The following STX11 variants were observed in gnomAD, a reference collection of about 807,000 sequenced individuals.
STX11 encodes the protein syntaxin-11.
In STX11, 21 loss-of-function variants were observed where a neutral mutation model predicts 19.9. The observed-to-expected ratio is 1.06, with a 90% CI of 0.75 to 1.52. The LOEUF (loss-of-function observed/expected upper bound fraction) is 1.52. Ranked by LOEUF, STX11 falls within the 40% of genes most tolerant of loss-of-function variation. The pLI, the probability that STX11 is intolerant of heterozygous loss-of-function variation, is 0.00. For synonymous variants in STX11, 193 were observed against 174.4 expected (o/e 1.11, Z -0.84); for missense variants, 438 against 405.9 (o/e 1.08, Z -0.68).
In STX11 at chr6:144,184,569, C is replaced by G. The variant is rs936362982; in HGVS notation, c.-5-2054C>G. 2.6e-5 allele frequency among the ~76,000 whole-genome samples: 4 copies of G among 152,136 alleles called. No individual in the cohort carries two copies. The highest frequency in any genetic ancestry group is 2.6e-4 in the Admixed American group (4 of 15,268). On this transcript the variant is annotated intron_variant, in intron 1 of 1. Coordinates refer to ENST00000367568, the MANE Select transcript of STX11 (RefSeq NM_003764.4). This position sits in a 1 kb window ranked among gnomAD's most constrained non-coding sequence, Gnocchi z 6.5. ...AGTCTTTTGTGACTATATTTTTATA[C>G]TTTTGCTAAAGATTATTTAGTGCAT...
Position 144,150,694 on chromosome 6 carries a change from C to A in STX11, c.-15C>A. ...GGGCTTCTCGGTTCGCACTCTCGCT[C>A]CCAGTCCAGGTTTGTTTTTCTCTTC... On this transcript the variant is annotated 5_prime_UTR_variant, in exon 1 of 2. Coordinates refer to ENST00000367568, the MANE Select transcript of STX11 (RefSeq NM_003764.4). 4 of 985,378 alleles carry A rather than the reference C, an allele frequency of 4.1e-6. No homozygotes were observed. The highest frequency in any genetic ancestry group is 4.8e-6 in the Non-Finnish European group (4 of 829,970). The allele number at this position is 985,378 out of a possible 1,614,324, so 61.0% of individuals were successfully genotyped here.
rs1802144480 is a variant in STX11, at chr6:144,188,985, C to T, written c.*1494C>T. 6.6e-6 allele frequency among the ~76,000 whole-genome samples: 1 copy of T among 151,984 alleles called. No homozygotes were observed. The highest frequency in any genetic ancestry group is 6.6e-5 in the Admixed American group (1 of 15,262). ...TCGTGATCCGCCCGCCTCAGCCTCC[C>T]ATAGTGCTGGGATTACAGGTGTGAG... is the stretch of plus-strand genomic sequence containing the variant. On this transcript the variant is annotated 3_prime_UTR_variant, in exon 2 of 2. Transcript: ENST00000367568.
At position 144,186,793 on chromosome 6, in the gene STX11, C is replaced by A; in HGVS notation, c.166C>A (p.Gln56Lys). 1.2e-6 allele frequency: 2 copies of A among 1,613,932 alleles called. No homozygotes were observed. The highest frequency in any genetic ancestry group is 1.7e-6 in the Non-Finnish European group (2 of 1,180,010). Residue 56 changes from glutamine to lysine, a missense_variant, in exon 2 of 2, where the codon CAG becomes AAG. Transcript: ENST00000367568. ...CATCCGGGACATTCAGGATGAAAAC[C>A]AGCTGCTGGTGGCCGACGTGAAGCG... The part of the protein sequence containing the change: ...RDIRDIQDEN[Q>K]LLVADVKRLG...
rs907074946 is a variant in STX11, at chr6:144,151,575, G to A, written c.-6+872G>A. Among the ~76,000 whole-genome samples, 12 of 152,224 alleles carry A rather than the reference G, an allele frequency of 7.9e-5. No homozygotes were observed. Among genetic ancestry groups the A allele is most frequent in the African/African-American group, 2.4e-4 (10 of 41,456 alleles). ...GATTGAGTTTTCAGTTTCCTAAGGC[G>A]CCTGATGTTACAACATGCCAGTAAA... On this transcript the variant is annotated intron_variant, in intron 1 of 1. Transcript: ENST00000367568. This position sits in a 1 kb window ranked among gnomAD's most constrained non-coding sequence, Gnocchi z 4.6.
Position 144,150,556 on chromosome 6 carries a change from A to G in STX11, c.-153A>G. On this transcript the variant is annotated 5_prime_UTR_variant, in exon 1 of 2. Transcript: ENST00000367568. Reference sequence around the variant, plus strand: ...CGGCGCGGAGCTCGGGCGGCCGTGGAGGAACTCAGCCTCGGCCGCAGGAGG... The same window carrying G: ...CGGCGCGGAGCTCGGGCGGCCGTGGGGGAACTCAGCCTCGGCCGCAGGAGG... The G allele has an allele frequency of 1.0e-6, 1 of 985,390 alleles. No individual in the cohort carries two copies. Among genetic ancestry groups the G allele is most frequent in the Non-Finnish European group, 1.2e-6 (1 of 829,974 alleles). 61.0% of individuals were successfully genotyped at this position (985,390 alleles called of 1,614,324 possible).
intron 1 of STX11, among the ~76,000 whole-genome samples, chr6:144,156,024 CTCCT>C (rs1240238433): frequency 0.03 from 3,102 of 102,756 alleles, 329 homozygotes; most frequent in African/African-American, 0.17. Context: ...CTCTCTTTCT[CTCCT>C]TCCTTCCTTC....
chr6:144,153,290 C>G lies in STX11; in HGVS notation c.-6+2587C>G, dbSNP rs531741241. On this transcript the variant is annotated intron_variant, in intron 1 of 1. Transcript: ENST00000367568. This position sits in a 1 kb window ranked among gnomAD's most constrained non-coding sequence, Gnocchi z 5.0. ...AGTTTGTCATTCAGCATTGTACTCCCTGAACTTGGCCCAGGCTTGTCTCAT... is the reference window on the plus strand; with the variant it reads ...AGTTTGTCATTCAGCATTGTACTCCGTGAACTTGGCCCAGGCTTGTCTCAT... 6.6e-5 allele frequency among the ~76,000 whole-genome samples: 10 copies of G among 152,310 alleles called. No individual in the cohort carries two copies. Among genetic ancestry groups the G allele is most frequent in the African/African-American group, 2.4e-4 (10 of 41,564 alleles).
In STX11 at chr6:144,169,426, T is replaced by C. The variant is rs1206979148; in HGVS notation, c.-5-17197T>C. Among the ~76,000 whole-genome samples the C allele has an allele frequency of 6.6e-6, 1 of 152,202 alleles. No homozygotes were observed. The highest frequency in any genetic ancestry group is 1.5e-5 in the Non-Finnish European group (1 of 68,036). ...CTTTGAAAATTTGATGCTGTGTCTT[T>C]TCTAAAATTTCCGTAACCAGCCTTT... On this transcript the variant is annotated intron_variant, in intron 1 of 1. Transcript: ENST00000367568. The surrounding 1 kb of genome is among the most constrained non-coding windows in gnomAD (Gnocchi z 5.2).
rs967001855 is a variant in STX11, at chr6:144,180,938, A to G, written c.-5-5685A>G. ...ATCAGAGTATTTATTCATGTACCTG[A>G]GGGTGCCTCATCATAGTAAGCTCAG... On this transcript the variant is annotated intron_variant, in intron 1 of 1. Transcript: ENST00000367568. The surrounding 1 kb of genome is among the most constrained non-coding windows in gnomAD (Gnocchi z 5.3). Among the ~76,000 whole-genome samples, 2 of 152,338 alleles carry G rather than the reference A, an allele frequency of 1.3e-5. No homozygotes were observed. The highest frequency in any genetic ancestry group is 4.1e-4 in the South Asian group (2 of 4,832).
At position 144,159,972 on chromosome 6, in the gene STX11, G is replaced by A. The variant is rs2128748728; in HGVS notation, c.-6+9269G>A. ...CACCCAGCTTGGTGGCTCATGCTGG[G>A]TCCTTTTTCTCCTTTTCTGGCCAGT... On this transcript the variant is annotated intron_variant, in intron 1 of 1. Transcript: ENST00000367568. The surrounding 1 kb of genome is among the most constrained non-coding windows in gnomAD (Gnocchi z 4.3). 6.6e-6 allele frequency among the ~76,000 whole-genome samples: 1 copy of A among 152,076 alleles called. No individual in the cohort carries two copies. Among genetic ancestry groups the A allele is most frequent in the Middle Eastern group, 3.4e-3 (1 of 294 alleles).
chr6:144,161,131 T>TA (rs1462599998), intron 1 of STX11, among the ~76,000 whole-genome samples: 2 of 152,192 alleles, frequency 1.3e-5, no homozygotes, highest in Non-Finnish European at 2.9e-5. Flanking sequence ...GTTGAATACT[T>TA]AATTAACTGT....
rs1802145210 is a variant in STX11 at position 144,189,015 on chromosome 6, C to T, written c.*1524C>T. On this transcript the variant is annotated 3_prime_UTR_variant, in exon 2 of 2. Coordinates refer to ENST00000367568, the MANE Select transcript of STX11 (RefSeq NM_003764.4). ...TGCTGGGATTACAGGTGTGAGCCAC[C>T]ATGCCTGGCCTTTTTTCCCCCCTTT... 6.6e-6 allele frequency among the ~76,000 whole-genome samples: 1 copy of T among 151,546 alleles called. No individual in the cohort carries two copies. Among genetic ancestry groups the T allele is most frequent in the African/African-American group, 2.4e-5 (1 of 41,188 alleles).
At chr6:144,149,181 CT>C (rs1403902797), upstream of STX11, among the ~76,000 whole-genome samples, 1 of 152,126 alleles carries the variant, frequency 6.6e-6, no homozygotes, top group Non-Finnish European at 1.5e-5. The surrounding 1 kb of genome is among the most constrained non-coding windows in gnomAD (Gnocchi z 5.1). Flanking sequence ...CCACATTGTA[CT>C]ATTTTGGAGG....
chr6:144,162,376 T>C lies in STX11; in HGVS notation c.-6+11673T>C, dbSNP rs1801364040. ...TCATTTATCCATTTGCTTCATAATT[T>C]CCAACATTGTGTTGCTGTTTTCTTC... is the stretch of plus-strand genomic sequence containing the variant. On this transcript the variant is annotated intron_variant, in intron 1 of 1. Coordinates refer to ENST00000367568, the MANE Select transcript of STX11 (RefSeq NM_003764.4). The surrounding 1 kb of genome is among the most constrained non-coding windows in gnomAD (Gnocchi z 4.6). Among the ~76,000 whole-genome samples the C allele has an allele frequency of 6.6e-6, 1 of 152,266 alleles. No individual in the cohort carries two copies. Among genetic ancestry groups the C allele is most frequent in the Non-Finnish European group, 1.5e-5 (1 of 68,044 alleles).
chr6:144,165,183 G>A lies in STX11; in HGVS notation c.-6+14480G>A, dbSNP rs1036020118. ...AAGAAAAATTTTCTTGGCCGGGCGC[G>A]GTGGCTCACGCCTGTAATCCCAGCA... On this transcript the variant is annotated intron_variant, in intron 1 of 1. Coordinates refer to ENST00000367568, the MANE Select transcript of STX11 (RefSeq NM_003764.4). This position sits in a 1 kb window ranked among gnomAD's most constrained non-coding sequence, Gnocchi z 5.8. Among the ~76,000 whole-genome samples, 2 of 151,962 alleles carry A rather than the reference G, an allele frequency of 1.3e-5. No individual in the cohort carries two copies. Among genetic ancestry groups the A allele is most frequent in the African/African-American group, 2.4e-5 (1 of 41,404 alleles).
chr6:144,191,439 A>T lies in STX11; in HGVS notation c.*3948A>T, dbSNP rs947929258. Among the ~76,000 whole-genome samples, 2 of 151,606 alleles carry T rather than the reference A, an allele frequency of 1.3e-5. No homozygotes were observed. Among genetic ancestry groups the T allele is most frequent in the African/African-American group, 2.4e-5 (1 of 41,154 alleles). On this transcript the variant is annotated 3_prime_UTR_variant, in exon 2 of 2. Coordinates refer to ENST00000367568, the MANE Select transcript of STX11 (RefSeq NM_003764.4). ...TTACATTTATTTAAAAACAGTCCTA[A>T]TGCTTTATAGTTAAATGTCATATGC... is the stretch of plus-strand genomic sequence containing the variant.
rs185741401 is a variant in STX11 at position 144,188,108 on chromosome 6, T to C, written c.*617T>C. On this transcript the variant is annotated 3_prime_UTR_variant, in exon 2 of 2. Coordinates refer to ENST00000367568, the MANE Select transcript of STX11 (RefSeq NM_003764.4). ...TCTTATCTCTTTCACTTTTTAAATATCTTTCACCAGGTTATATTTTGGTAT... is the reference window on the plus strand; with the variant it reads ...TCTTATCTCTTTCACTTTTTAAATACCTTTCACCAGGTTATATTTTGGTAT... The C allele has an allele frequency of 4.1e-6, 1 of 241,584 alleles. No homozygotes were observed. Among genetic ancestry groups the C allele is most frequent in the East Asian group, 6.5e-5 (1 of 15,464 alleles). The allele number at this position is 241,584 out of a possible 1,614,324, so 15.0% of individuals were successfully genotyped here. A position where few individuals can be genotyped will look rare whatever the true frequency, so the allele number is the denominator to read the frequency against.
chr6:144,158,132 C>A lies in STX11; in HGVS notation c.-6+7429C>A, dbSNP rs1801224678. ...TTTGATACATGCTATAGTTTGAGAA[C>A]CTTCACCCTAAACTCTTATGCCTTT... On this transcript the variant is annotated intron_variant, in intron 1 of 1. Transcript: ENST00000367568. 2.6e-5 allele frequency among the ~76,000 whole-genome samples: 4 copies of A among 152,206 alleles called. 1 individual carries two copies. The highest frequency in any genetic ancestry group is 6.5e-5 in the Admixed American group (1 of 15,276).
In STX11 at chr6:144,155,527, C is replaced by T. The variant is rs900217777; in HGVS notation, c.-6+4824C>T. 1.3e-5 allele frequency among the ~76,000 whole-genome samples: 2 copies of T among 152,184 alleles called. No homozygotes were observed. The highest frequency in any genetic ancestry group is 2.9e-5 in the Non-Finnish European group (2 of 68,020). On this transcript the variant is annotated intron_variant, in intron 1 of 1. Coordinates refer to ENST00000367568, the MANE Select transcript of STX11 (RefSeq NM_003764.4). This position sits in a 1 kb window ranked among gnomAD's most constrained non-coding sequence, Gnocchi z 4.5. ...GGTAATAGAGCCCACATGTCTACCC[C>T]TTGGCCTGAGCTTTTATGTGCCTGC...
Sources: gnomAD v4.1 joint callset for allele counts (sites outside exome capture counted in the v4.1 genomes callset) on GRCh38, gnomAD v4.1.1 for gene constraint, Gnocchi (gnomAD v3.1) non-coding constraint, MANE v1.5 for transcripts, NCBI Gene and HGNC (gene_info 2026-07-23, HGNC 2026-07-21) for gene names.